Variants in CNTNAP3B observed in about 807,000 individuals in gnomAD.
CNTNAP3B encodes contactin-associated protein-like 3B.
A neutral mutation model predicts 108.9 loss-of-function variants in CNTNAP3B; 25 were observed. That is an observed-to-expected ratio of 0.23 (90% CI 0.17 to 0.32). CNTNAP3B has a LOEUF of 0.32. CNTNAP3B is among the 10% of genes least tolerant of loss of function. CNTNAP3B has a pLI of 1.00. For missense variants in CNTNAP3B, 252 were observed against 1,210.4 expected, an observed-to-expected ratio of 0.21 and a Z score of 11.75; for synonymous variants, 103 against 473.4, an observed-to-expected ratio of 0.22 and a Z score of 10.16.
At chr9:41,953,119 C>A (rs983080047) in intron 13 of CNTNAP3B, 64 bp downstream of exon 13, 8 of 1,437,898 alleles carry the variant, frequency 5.6e-6, no homozygotes, top group Middle Eastern at 5.0e-4. Flanking sequence ...TCAAAGGCAT[C>A]TCGCAGCCCG....
intron 7 of CNTNAP3B, among the ~76,000 whole-genome samples, chr9:41,995,703 T>C (rs1825883779): frequency 8.7e-6 from 1 of 114,826 alleles, no homozygotes; most frequent in Non-Finnish European, 1.7e-5. Context: ...TGCACTCCAG[T>C]CTGGGTGACA....
At chr9:41,922,399 G>A (rs1191622072) in intron 17 of CNTNAP3B, among the ~76,000 whole-genome samples, 2 of 140,306 alleles carry the variant, frequency 1.4e-5, no homozygotes, top group Admixed American at 7.0e-5. Flanking sequence ...CCGGCAGGTG[G>A]AGGTTTCAGT....
At chr9:41,925,114 TCA>T (rs1191275333) in intron 15 of CNTNAP3B, among the ~76,000 whole-genome samples, 9 of 151,768 alleles carry the variant, frequency 5.9e-5, no homozygotes, top group Non-Finnish European at 1.0e-4. Context: ...TTCTCTTTTT[TCA>T]TGTATTTTTG....
intron 1 of CNTNAP3B, among the ~76,000 whole-genome samples, chr9:42,112,507 G>A (rs1376050609): frequency 7.2e-6 from 1 of 138,796 alleles, no homozygotes; most frequent in African/African-American, 2.9e-5. Flanking sequence ...ACCAGCTGAT[G>A]AGTGTCTGGT....
Position 42,093,110 on chromosome 9 carries a change from G to A in CNTNAP3B, c.196+11519C>T, listed in dbSNP as rs1430662404. ...ACCTGTAATCCCAGCACTTTGGGAGGCCAAGGTGGCCGAGGCGGATCACGA... is the reference window on the plus strand; with the variant it reads ...ACCTGTAATCCCAGCACTTTGGGAGACCAAGGTGGCCGAGGCGGATCACGA... On this transcript the variant is annotated intron_variant, in intron 2 of 23. Coordinates refer to ENST00000377561, the MANE Select transcript of CNTNAP3B (RefSeq NM_001201380.3). Among the ~76,000 whole-genome samples the A allele has an allele frequency of 2.1e-5, 2 of 97,280 alleles. 1 individual carries two copies. Among genetic ancestry groups the A allele is most frequent in the Admixed American group, 2.2e-4 (2 of 9,302 alleles). The allele number at this position is 97,280 out of a possible 152,430, so 63.8% of individuals were successfully genotyped here.
intron 13 of CNTNAP3B, among the ~76,000 whole-genome samples, chr9:41,943,553 C>T (rs1318440506): frequency 1.3e-4 from 19 of 151,544 alleles, no homozygotes; most frequent in Non-Finnish European, 1.2e-4. Context: ...GTGGTTTCCC[C>T]GTGGTAGCCA....
chr9:41,940,698 C>G (rs1218879960), intron 13 of CNTNAP3B, among the ~76,000 whole-genome samples: 49 of 152,222 alleles, frequency 3.2e-4, no homozygotes, highest in Non-Finnish European at 6.0e-4. Context: ...GCCTGTAGTC[C>G]CAGCTACTCA....
At chr9:41,922,546 G>A (rs1413906800) in intron 17 of CNTNAP3B, 131 bp downstream of exon 17, 1 of 1,128,908 alleles carries the variant, frequency 8.9e-7, no homozygotes, top group Non-Finnish European at 1.3e-6. Flanking sequence ...GAACCTACCA[G>A]GTTATCAGCA....
chr9:41,994,659 G>T (rs1458000009), intron 7 of CNTNAP3B: 1 of 472,446 alleles, frequency 2.1e-6, no homozygotes, highest in Non-Finnish European at 3.7e-6. Context: ...AAGTTCATGG[G>T]CTTCACAGCT....
At chr9:41,916,518 G>A (rs974376754) in intron 18 of CNTNAP3B, among the ~76,000 whole-genome samples, 6 of 152,250 alleles carry the variant, frequency 3.9e-5, no homozygotes, top group African/African-American at 1.2e-4. Context: ...CAGGCTAATA[G>A]CAGTGAATTC....
Position 42,104,223 on chromosome 9 carries a change from C to T in CNTNAP3B, c.196+406G>A, listed in dbSNP as rs1417502212. Among the ~76,000 whole-genome samples the T allele has an allele frequency of 6.8e-5, 8 of 116,918 alleles. 2 individuals are homozygous for T. In the South Asian group the frequency reaches 1.6e-3, roughly 23 times the overall value. The allele number at this position is 116,918 out of a possible 152,430, so 76.7% of individuals were successfully genotyped here. Reference sequence around the variant, plus strand: ...CGTTTCTTTACTTTGCCAATTTTCTCATCCAAATAGGGATAATTAAATAAT... The same window carrying T: ...CGTTTCTTTACTTTGCCAATTTTCTTATCCAAATAGGGATAATTAAATAAT... On this transcript the variant is annotated intron_variant, in intron 2 of 23. Coordinates refer to ENST00000377561, the MANE Select transcript of CNTNAP3B (RefSeq NM_001201380.3).
At chr9:41,951,944 G>A (rs562912816) in intron 13 of CNTNAP3B, among the ~76,000 whole-genome samples, 10 of 152,378 alleles carry the variant, frequency 6.6e-5, no homozygotes, top group African/African-American at 1.4e-4. Context: ...GGGCGTGGCG[G>A]CACCCGCCTG....
intron 14 of CNTNAP3B, among the ~76,000 whole-genome samples, chr9:41,932,253 T>A (rs1341476042): frequency 6.6e-6 from 1 of 152,086 alleles, no homozygotes; most frequent in Non-Finnish European, 1.5e-5. Context: ...GGTACCATAA[T>A]CTCTTGGAGC....
chr9:41,915,719 T>C (rs1823498913), intron 18 of CNTNAP3B, among the ~76,000 whole-genome samples: 1 of 146,160 alleles, frequency 6.8e-6, no homozygotes, highest in Non-Finnish European at 1.5e-5. Flanking sequence ...TGTTTTTTTT[T>C]TTCAGCAACA....
At chr9:42,080,266 G>C (rs1196992413) in intron 2 of CNTNAP3B, among the ~76,000 whole-genome samples, 2 of 136,116 alleles carry the variant, frequency 1.5e-5, no homozygotes, top group Non-Finnish European at 3.1e-5. Flanking sequence ...ACATTTCAGT[G>C]ACTTCATTTT....
intron 18 of CNTNAP3B, among the ~76,000 whole-genome samples, chr9:41,916,062 T>C (rs1823509375): frequency 6.6e-6 from 1 of 151,208 alleles, no homozygotes; most frequent in Non-Finnish European, 1.5e-5. Flanking sequence ...TTATATAATT[T>C]GTTCTCTTTT....
intron 2 of CNTNAP3B, among the ~76,000 whole-genome samples, chr9:42,103,297 A>G (rs1828034978): frequency 6.7e-6 from 1 of 149,174 alleles, no homozygotes; most frequent in Non-Finnish European, 1.5e-5. Context: ...GAAAAGTTAA[A>G]TTGTTCATGT....
chr9:42,044,054 C>T (rs1275336936), intron 3 of CNTNAP3B, among the ~76,000 whole-genome samples: 12 of 126,656 alleles, frequency 9.5e-5, no homozygotes, highest in Admixed American at 1.6e-4. Context: ...GCCCTATAAG[C>T]AACCCACCTA....
intron 14 of CNTNAP3B, among the ~76,000 whole-genome samples, chr9:41,935,531 T>G (rs1824131301): frequency 1.3e-5 from 2 of 152,290 alleles, no homozygotes. Context: ...ATCTTTTCAT[T>G]TCATGAGACT....
Sources: allele counts gnomAD v4.1 joint callset (sites outside exome capture counted in the v4.1 genomes callset), GRCh38; gene constraint gnomAD v4.1.1; transcripts MANE v1.5; gene names NCBI Gene and HGNC (gene_info 2026-07-23, HGNC 2026-07-21).